Variants in ANXA8 observed in about 807,000 individuals in gnomAD.
The protein encoded by ANXA8 is VAC-beta.
A neutral mutation model predicts 26.8 loss-of-function variants in ANXA8; 9 were observed. The ratio of observed to expected loss-of-function variants is 0.34; its 90% CI spans 0.20 to 0.59. The LOEUF (loss-of-function observed/expected upper bound fraction) is 0.59, where lower values mean the gene tolerates loss of function less well. ANXA8 is among the 20% of genes least tolerant of loss of function. ANXA8 has a pLI of 0.84. For synonymous variants in ANXA8, 39 were observed against 94.8 expected (o/e 0.41, Z 3.42); for missense variants, 83 against 238.5 (o/e 0.35, Z 4.29).
chr10:47,733,145 C>T, the ANXA8 span, among the ~76,000 whole-genome samples: 6,310 of 39,448 alleles, frequency 0.16, 1 homozygote, highest in East Asian at 0.29. Flanking sequence ...ACTCCCTAAT[C>T]TTTCTTTCTT....
the ANXA8 span, among the ~76,000 whole-genome samples, chr10:47,695,256 T>A: frequency 4.0e-5 from 6 of 151,698 alleles, no homozygotes; most frequent in Non-Finnish European, 5.9e-5. Context: ...ATGCTCTGAT[T>A]AATGACTCAT....
chr10:47,733,219 T>TTCTTTCTCTCTC, the ANXA8 span, among the ~76,000 whole-genome samples: 2 of 68,102 alleles, frequency 2.9e-5, no homozygotes, highest in Admixed American at 3.3e-4. Context: ...CTTTCTTTCT[T>TTCTTTCTCTCTC]TCTCTTTCTT....
chr10:47,657,608 C>A, the ANXA8 span, among the ~76,000 whole-genome samples: 1 of 151,048 alleles, frequency 6.6e-6, no homozygotes, highest in African/African-American at 2.5e-5. Flanking sequence ...CAGTATCTGG[C>A]ACATGGAAAG....
At chr10:47,898,843 A>C in the ANXA8 span, among the ~76,000 whole-genome samples, 1 of 29,252 alleles carries the variant, frequency 3.4e-5, no homozygotes, top group Non-Finnish European at 7.4e-5. Flanking sequence ...TTTTTTTTTT[A>C]GATGTGGTCT....
the ANXA8 span, among the ~76,000 whole-genome samples, chr10:47,957,457 C>T: frequency 6.6e-6 from 1 of 150,580 alleles, no homozygotes; most frequent in Admixed American, 6.6e-5. Flanking sequence ...GCCTCTGGTC[C>T]CGGCCTCAGT....
the ANXA8 span, among the ~76,000 whole-genome samples, chr10:47,969,723 T>C: frequency 6.7e-6 from 1 of 149,614 alleles, no homozygotes; most frequent in South Asian, 2.1e-4. Flanking sequence ...ATCTTCTTTT[T>C]TCTTTTCTAA....
At chr10:47,948,931 T>C in the ANXA8 span, among the ~76,000 whole-genome samples, 1 of 147,870 alleles carries the variant, frequency 6.8e-6, no homozygotes, top group African/African-American at 2.5e-5. Context: ...AATTTCATCC[T>C]GCCTGACTGC....
At chr10:47,622,820 T>C in the ANXA8 span, among the ~76,000 whole-genome samples, 1 of 112,166 alleles carries the variant, frequency 8.9e-6, no homozygotes, top group Admixed American at 9.4e-5. Context: ...TTACTTAGTC[T>C]GACAAAATTA....
chr10:47,500,943 G>A, the ANXA8 span, among the ~76,000 whole-genome samples: 151 of 115,546 alleles, frequency 1.3e-3, no homozygotes, highest in Non-Finnish European at 2.1e-3. Context: ...GCCCAGGCTG[G>A]AGTGCAGTGG....
the ANXA8 span, among the ~76,000 whole-genome samples, chr10:47,744,691 A>G: frequency 6.6e-6 from 1 of 151,886 alleles, no homozygotes; most frequent in African/African-American, 2.4e-5. Flanking sequence ...AAATATAACC[A>G]TGATGTTGAA....
At chr10:47,952,075 T>A in the ANXA8 span, among the ~76,000 whole-genome samples, 105 of 150,556 alleles carry the variant, frequency 7.0e-4, 2 homozygotes, top group African/African-American at 1.9e-3. Context: ...GTACTTTTTT[T>A]TAAAAAAATA....
At chr10:47,775,509 A>G in the ANXA8 span, among the ~76,000 whole-genome samples, 9 of 112,240 alleles carry the variant, frequency 8.0e-5, no homozygotes, top group African/African-American at 2.7e-4. Context: ...AAGACCCACT[A>G]TGTAGGGAGA....
chr10:47,747,139 A>G, the ANXA8 span, among the ~76,000 whole-genome samples: 1 of 150,118 alleles, frequency 6.7e-6, no homozygotes, highest in Non-Finnish European at 1.5e-5. Context: ...CCTTCAGGAA[A>G]CGTGCTGATT....
At chr10:47,571,417 C>T in the ANXA8 span, among the ~76,000 whole-genome samples, 1 of 148,888 alleles carries the variant, frequency 6.7e-6, no homozygotes, top group African/African-American at 2.5e-5. Context: ...AGTTTTTTCT[C>T]TCACTTCTCG....
the ANXA8 span, among the ~76,000 whole-genome samples, chr10:47,695,415 A>G: frequency 1.1e-4 from 16 of 151,364 alleles, no homozygotes; most frequent in Non-Finnish European, 2.2e-4. Flanking sequence ...GTGGGAAGGG[A>G]GAGGCAAGAT....
chr10:47,707,145 T>C, the ANXA8 span, among the ~76,000 whole-genome samples: 42 of 137,394 alleles, frequency 3.1e-4, no homozygotes, highest in African/African-American at 8.9e-4. Context: ...TGTATACTTG[T>C]AAATAAAATA....
chr10:47,528,062 C>G, the ANXA8 span, among the ~76,000 whole-genome samples: 8,436 of 132,784 alleles, frequency 0.064, 371 homozygotes, highest in African/African-American at 0.17. Flanking sequence ...ATCTTTTGAT[C>G]ACCTTTATTT....
chr10:47,761,104 A>ACACG, the ANXA8 span, among the ~76,000 whole-genome samples: 2 of 84,864 alleles, frequency 2.4e-5, no homozygotes, highest in African/African-American at 8.3e-5. Flanking sequence ...ACACACACGC[A>ACACG]CACACACACA....
the ANXA8 span, among the ~76,000 whole-genome samples, chr10:47,671,868 C>A: frequency 4.0e-5 from 6 of 151,024 alleles, no homozygotes; most frequent in Non-Finnish European, 8.8e-5. Flanking sequence ...TAGTGTTTTG[C>A]TTCTTTTTTT....
Sources: allele counts gnomAD v4.1 joint callset (sites outside exome capture counted in the v4.1 genomes callset), GRCh38; gene constraint gnomAD v4.1.1; transcripts MANE v1.5; gene names NCBI Gene and HGNC (gene_info 2026-07-23, HGNC 2026-07-21).